Variants in KDR observed in about 807,000 individuals in gnomAD.
KDR encodes the protein kinase insert domain receptor.
In KDR, 43 loss-of-function variants were observed where a neutral mutation model predicts 160.9. The observed-to-expected ratio is 0.27, with a 90% CI of 0.21 to 0.34. KDR has a LOEUF of 0.34. Ranked by LOEUF, KDR falls within the 10% of genes least tolerant of loss-of-function variation. KDR has a pLI of 1.00. For missense variants in KDR, 1,469 were observed against 1,666.4 expected (o/e 0.88, Z 2.06); for synonymous variants, 617 against 600.1 (o/e 1.03, Z -0.41).
Position 55,114,987 on chromosome 4 carries a change from T to C in KDR, c.545A>G (p.Lys182Arg). ...PDGNRISWDS[K>R]KGFTIPSYMI... Reference sequence around the variant, plus strand: ...GTAGCTGGGAATAGTAAAGCCCTTCTTGCTGTCCCAGGAAATTCTGTTACC... The same window carrying C: ...GTAGCTGGGAATAGTAAAGCCCTTCCTGCTGTCCCAGGAAATTCTGTTACC... Residue 182 changes from lysine (K) to arginine (R), a missense_variant, in exon 5 of 30, where the codon AAG becomes AGG. This residue lies in a region of KDR where 792 missense variants were observed against 840.9 expected (regional missense o/e 0.94). Transcript: ENST00000263923. 6.2e-7 allele frequency: 1 copy of C among 1,613,910 alleles called. No individual in the cohort carries two copies. The highest frequency in any genetic ancestry group is 2.2e-5 in the East Asian group (1 of 44,858).
At chr4:55,105,732 C>G (rs1219047586) in intron 12 of KDR, 100 bp downstream of exon 12, 7 of 800,212 alleles carry the variant, frequency 8.7e-6, no homozygotes, top group Non-Finnish European at 1.6e-5. Context: ...TTCCTAAATG[C>G]CATGCCACTC....
chr4:55,088,102 A>G (rs561575832), intron 26 of KDR, among the ~76,000 whole-genome samples: 1 of 152,330 alleles, frequency 6.6e-6, no homozygotes, highest in East Asian at 1.9e-4. Flanking sequence ...TAACCACACG[A>G]GCCAAGCCCT....
intron 27 of KDR, among the ~76,000 whole-genome samples, chr4:55,083,379 G>T (rs75398785): frequency 0.015 from 2,285 of 152,272 alleles, 33 homozygotes; most frequent in Admixed American, 0.039. Context: ...TCCCTCCCCA[G>T]CTCACAGGGA....
Position 55,079,426 on chromosome 4 carries a change from T to C in KDR, c.*515A>G. On this transcript the variant is annotated 3_prime_UTR_variant, in exon 30 of 30. Transcript: ENST00000263923. ...GGCTCCAGTACTCTCCAAAGCAAGG[T>C]AACGTTAGTCTTCCTTTCTATCAAT... The C allele has an allele frequency of 3.6e-6, 1 of 277,122 alleles. No individual in the cohort carries two copies. The highest frequency in any genetic ancestry group is 5.0e-5 in the East Asian group (1 of 19,934). 17.2% of individuals were successfully genotyped at this position (277,122 alleles called of 1,614,324 possible). A position where few individuals can be genotyped will look rare whatever the true frequency, so the allele number is the denominator to read the frequency against.
chr4:55,106,632 A>AC, intron 11 of KDR, 55 bp downstream of exon 11: 1 of 1,279,364 alleles, frequency 7.8e-7, no homozygotes, highest in Non-Finnish European at 1.1e-6. Flanking sequence ...ATATTATTGT[A>AC]CCATCCTTCC....
intron 19 of KDR, 80 bp downstream of exon 19, chr4:55,096,149 A>G (rs1720147129): frequency 2.6e-6 from 2 of 783,630 alleles, no homozygotes; most frequent in Non-Finnish European, 4.6e-6. Flanking sequence ...TCAAGGCCAG[A>G]GGAGTTGACT....
intron 2 of KDR, among the ~76,000 whole-genome samples, chr4:55,120,851 CGTGT>C (rs3034659): frequency 1.3e-5 from 2 of 149,946 alleles, no homozygotes; most frequent in Non-Finnish European, 1.5e-5. Flanking sequence ...TATTTGTGTG[CGTGT>C]GTGTGTGTGT....
intron 22 of KDR, among the ~76,000 whole-genome samples, chr4:55,090,849 C>CTT (rs61138010): frequency 0.017 from 1,429 of 84,072 alleles, 10 homozygotes; most frequent in Middle Eastern, 0.032. Flanking sequence ...TAGAAGAAAA[C>CTT]TTTTTTTTTT....
chr4:55,112,850 C>A (rs1330651682), intron 7 of KDR, among the ~76,000 whole-genome samples: 5 of 152,090 alleles, frequency 3.3e-5, no homozygotes, highest in Admixed American at 6.6e-5. Context: ...TTTTTGACTG[C>A]AGAGGAGGGA....
rs750185585 is a variant in KDR, at chr4:55,114,893, C to T, written c.639G>A (p.Met213Ile). ...TCTTACCTACAACGACAACTATGTA[C>T]ATAATAGACTGGTAACTTTCATCAT... is the stretch of plus-strand genomic sequence containing the variant. ...KINDESYQSI[M>I]YIVVVVGYRI... is the part of the protein sequence containing the mutation. Residue 213 changes from methionine to isoleucine, a missense_variant, in exon 5 of 30, where the codon ATG becomes ATA. Physicochemically the swap from Met to Ile is conservative, Grantham distance 10 (BLOSUM62 1). Around this residue, in one of 7 missense-constraint regions of KDR, gnomAD observed 792 missense variants for 840.9 expected, o/e 0.94. Transcript: ENST00000263923. The T allele has an allele frequency of 1.2e-6, 2 of 1,613,410 alleles. No individual in the cohort carries two copies. The highest frequency in any genetic ancestry group is 1.7e-6 in the Non-Finnish European group (2 of 1,179,536).
chr4:55,081,999 G>A lies in KDR; in HGVS notation c.3805C>T (p.Leu1269=), dbSNP rs767282620. The A allele has an allele frequency of 6.2e-7, 1 of 1,613,892 alleles. No homozygotes were observed. Among genetic ancestry groups the A allele is most frequent in the South Asian group, 1.1e-5 (1 of 91,076 alleles). Reference sequence around the variant, plus strand: ...TTGGTTCTGTCTTCCAAAGTTTTCAGCTCTTCTGAGGCAAGAACCATACCA... The same window carrying A: ...TTGGTTCTGTCTTCCAAAGTTTTCAACTCTTCTGAGGCAAGAACCATACCA... The part of the protein sequence containing the change: ...DSGMVLASEE[L]KTLEDRTKLS... The change falls in exon 29 of 30, where the codon CTG becomes TTG. Residue 1269 remains leucine, a synonymous_variant. Coordinates refer to ENST00000263923, the MANE Select transcript of KDR (RefSeq NM_002253.4).
intron 26 of KDR, among the ~76,000 whole-genome samples, chr4:55,088,231 C>A (rs1250169985): frequency 6.6e-6 from 1 of 152,050 alleles, no homozygotes; most frequent in Non-Finnish European, 1.5e-5. Context: ...AAAGGTTGCA[C>A]AACTTAATAT....
chr4:55,094,301 AG>A (rs1720093525), intron 21 of KDR, among the ~76,000 whole-genome samples: 1 of 152,182 alleles, frequency 6.6e-6, no homozygotes, highest in African/African-American at 2.4e-5. Context: ...GACTCGCCTG[AG>A]GAAGTATGGT....
At chr4:55,112,450 A>G (rs1421406635) in intron 7 of KDR, among the ~76,000 whole-genome samples, 2 of 151,360 alleles carry the variant, frequency 1.3e-5, no homozygotes, top group Non-Finnish European at 1.5e-5. Flanking sequence ...TTGACTGTTT[A>G]TGTTATCAGT....
At chr4:55,123,121 AC>A (rs958171218) in intron 1 of KDR, among the ~76,000 whole-genome samples, 1 of 152,188 alleles carries the variant, frequency 6.6e-6, no homozygotes, top group African/African-American at 2.4e-5. Flanking sequence ...AAACAGGCAA[AC>A]AAAAAACCAA....
At position 55,125,394 on chromosome 4, in the gene KDR, C is replaced by A. The variant is rs992202858; in HGVS notation, c.-101G>T. The A allele has an allele frequency of 3.5e-6, 5 of 1,422,128 alleles. No individual in the cohort carries two copies. Among genetic ancestry groups the A allele is most frequent in the Middle Eastern group, 2.4e-4 (1 of 4,216 alleles). The allele number at this position is 1,422,128 out of a possible 1,614,324, so 88.1% of individuals were successfully genotyped here. A position where few individuals can be genotyped will look rare whatever the true frequency, so the allele number is the denominator to read the frequency against. ...GGCGCGGAGGTGGAACTCGCGGCAC[C>A]CCGCAGCGCAGGACAGTTGAGCGCA... is the stretch of plus-strand genomic sequence containing the variant. On this transcript the variant is annotated 5_prime_UTR_variant, in exon 1 of 30. Coordinates refer to ENST00000263923, the MANE Select transcript of KDR (RefSeq NM_002253.4).
chr4:55,107,440 G>A (rs1210439754), intron 10 of KDR, among the ~76,000 whole-genome samples: 1 of 152,102 alleles, frequency 6.6e-6, no homozygotes, highest in Non-Finnish European at 1.5e-5. Context: ...GATTGGTATC[G>A]GGAGAAAAAC....
intron 7 of KDR, among the ~76,000 whole-genome samples, chr4:55,112,855 G>A (rs1190422492): frequency 6.6e-6 from 1 of 152,094 alleles, no homozygotes. Context: ...GACTGCAGAG[G>A]AGGGAAAGTT....
Position 55,089,744 on chromosome 4 carries a change from A to G in KDR, c.3251T>C (p.Ile1084Thr). 1 of 1,614,116 alleles carries G rather than the reference A, an allele frequency of 6.2e-7. No homozygotes were observed. Among genetic ancestry groups the G allele is most frequent in the African/African-American group, 1.3e-5 (1 of 75,030 alleles). ...PETIFDRVYT[I>T]QSDVWSFGVL... is the part of the protein sequence containing the mutation. ...ACCAAAAGACCAGACGTCACTCTGG[A>G]TTGTGTACACTCTGTCAAAAATTGT... Residue 1084 changes from isoleucine (I) to threonine (T), a missense_variant, in exon 24 of 30, where the codon ATC becomes ACC. Ile to Thr is a moderately conservative substitution (Grantham distance 89). Around this residue, in one of 7 missense-constraint regions of KDR, gnomAD observed 132 missense variants for 195.9 expected, o/e 0.67. Coordinates refer to ENST00000263923, the MANE Select transcript of KDR (RefSeq NM_002253.4).
Sources: allele counts gnomAD v4.1 joint callset (sites outside exome capture counted in the v4.1 genomes callset), GRCh38; gene constraint gnomAD v4.1.1; regional missense constraint gnomAD v4.1.1; transcripts MANE v1.5; gene names NCBI Gene and HGNC (gene_info 2026-07-23, HGNC 2026-07-21).